Variants in NRG1 observed in about 807,000 individuals in gnomAD.
NRG1 encodes neuregulin 1.
A neutral mutation model predicts 63.8 loss-of-function variants in NRG1; 18 were observed. The ratio of observed to expected loss-of-function variants is 0.28; its 90% CI spans 0.19 to 0.42. The LOEUF (loss-of-function observed/expected upper bound fraction) is 0.42. Ranked by LOEUF, NRG1 falls within the 10% of genes least tolerant of loss-of-function variation. The pLI is 1.00. For synonymous variants in NRG1, 302 were observed against 301.3 expected (o/e 1.00, Z -0.02); for missense variants, 762 against 814.7 (o/e 0.94, Z 0.79).
At chr8:31,788,246 T>C in intron 1 of NRG1, among the ~76,000 whole-genome samples, 1 of 152,174 alleles carries the variant, frequency 6.6e-6, no homozygotes, top group East Asian at 1.9e-4. Context: ...TGTTAACATT[T>C]TGAGGTACAC....
rs1815975394 is a variant in NRG1, at chr8:32,018,764, T to C, written c.37+379333T>C. On this transcript the variant is annotated intron_variant, in intron 1 of 10. Transcript: ENST00000519301. ...GTCTTTTGGTGGGCATGCATACTGA[T>C]AGAAGTGGAATTGCTATAGGTAGAT... 3.9e-5 allele frequency among the ~76,000 whole-genome samples: 6 copies of C among 152,214 alleles called. No individual in the cohort carries two copies. The South Asian group carries it at 1.2e-3, about 32-fold the overall frequency.
intron 1 of NRG1, among the ~76,000 whole-genome samples, chr8:31,951,970 A>G (rs1803538771): frequency 6.6e-6 from 1 of 152,162 alleles, no homozygotes; most frequent in Admixed American, 6.5e-5. Flanking sequence ...CTTTTGATTG[A>G]ATCAGGATCT....
downstream of NRG1, among the ~76,000 whole-genome samples, chr8:32,771,276 A>ATTT (rs553989637): frequency 4.3e-5 from 4 of 92,762 alleles, no homozygotes; most frequent in South Asian, 3.8e-4. Context: ...ATGCCCAGCG[A>ATTT]TTTTTTTTTT....
At chr8:31,817,007 T>C (rs1395922590) in intron 1 of NRG1, among the ~76,000 whole-genome samples, 5 of 152,218 alleles carry the variant, frequency 3.3e-5, no homozygotes, top group Admixed American at 6.5e-5. Context: ...AAAATTGAAA[T>C]GTCCCTCATT....
chr8:32,558,576 G>T (rs1379931431), intron 1 of NRG1, among the ~76,000 whole-genome samples: 2 of 152,176 alleles, frequency 1.3e-5, no homozygotes, highest in African/African-American at 4.8e-5. Context: ...GTTTGGGAGA[G>T]CCGCAAAGTG....
At chr8:32,501,264 G>T (rs965343137) in intron 1 of NRG1, among the ~76,000 whole-genome samples, 1 of 152,172 alleles carries the variant, frequency 6.6e-6, no homozygotes, top group Non-Finnish European at 1.5e-5. Context: ...ATAATAATGT[G>T]ATACCAAGAC....
chr8:32,586,918 G>GC (rs1563712027), intron 1 of NRG1, among the ~76,000 whole-genome samples: 1 of 152,150 alleles, frequency 6.6e-6, no homozygotes, highest in Non-Finnish European at 1.5e-5. Flanking sequence ...TGACTTGAGG[G>GC]CATAGGAGGT....
intron 1 of NRG1, among the ~76,000 whole-genome samples, chr8:32,166,578 G>A (rs947098664): frequency 6.6e-6 from 1 of 152,170 alleles, no homozygotes; most frequent in African/African-American, 2.4e-5. Flanking sequence ...TTTGTGACAA[G>A]TTGTATTTTT....
At chr8:32,492,423 CTTTT>C in intron 1 of NRG1, among the ~76,000 whole-genome samples, 1 of 146,894 alleles carries the variant, frequency 6.8e-6, no homozygotes, top group Middle Eastern at 3.6e-3. Flanking sequence ...TCCCTTTCAT[CTTTT>C]TTTTTTTTCT....
intron 1 of NRG1, among the ~76,000 whole-genome samples, chr8:31,651,004 C>A (rs527871368): frequency 1.6e-3 from 243 of 152,318 alleles, no homozygotes; most frequent in African/African-American, 5.7e-3. Flanking sequence ...ATGACCCAAA[C>A]ATAGAAATCT....
chr8:32,102,741 G>A (rs1245466954), intron 1 of NRG1, among the ~76,000 whole-genome samples: 12 of 152,216 alleles, frequency 7.9e-5, no homozygotes, highest in East Asian at 7.7e-4. Flanking sequence ...CCCTGCCATC[G>A]AATCCAGCTG....
intron 1 of NRG1, among the ~76,000 whole-genome samples, chr8:31,942,333 C>T (rs903496464): frequency 1.3e-5 from 2 of 152,032 alleles, no homozygotes; most frequent in African/African-American, 2.4e-5. Flanking sequence ...TGGCAAGCCA[C>T]ATGTAGAGGA....
intron 1 of NRG1, among the ~76,000 whole-genome samples, chr8:32,091,971 A>T (rs1829224667): frequency 6.6e-6 from 1 of 152,116 alleles, no homozygotes; most frequent in African/African-American, 2.4e-5. Context: ...TTGAAGCTTC[A>T]TGCCTGCCTT....
chr8:31,667,079 T>C (rs1319585705), intron 1 of NRG1, among the ~76,000 whole-genome samples: 2 of 152,358 alleles, frequency 1.3e-5, no homozygotes, highest in African/African-American at 4.8e-5. Context: ...AACCGAATAC[T>C]CTGGGAGACA....
At chr8:32,363,767 A>C (rs1454387107) in intron 1 of NRG1, among the ~76,000 whole-genome samples, 1 of 152,136 alleles carries the variant, frequency 6.6e-6, no homozygotes, top group Non-Finnish European at 1.5e-5. Context: ...AATAGTCGAA[A>C]ACTTTAGAAT....
chr8:32,694,488 G>A (rs1164978331), intron 5 of NRG1, among the ~76,000 whole-genome samples: 2 of 152,016 alleles, frequency 1.3e-5, no homozygotes, highest in African/African-American at 4.8e-5. Context: ...ACCCATCATG[G>A]TGCTCGATCA....
intron 1 of NRG1, among the ~76,000 whole-genome samples, chr8:31,776,742 T>A (rs373235087): frequency 2.0e-4 from 30 of 152,182 alleles, no homozygotes; most frequent in African/African-American, 5.5e-4. Context: ...CCTGTGTCCA[T>A]GTGCTCTCAT....
At chr8:32,511,069 C>T (rs538775988) in intron 1 of NRG1, among the ~76,000 whole-genome samples, 5 of 149,306 alleles carry the variant, frequency 3.3e-5, no homozygotes, top group African/African-American at 1.2e-4. Flanking sequence ...TCTCACCATG[C>T]TTATAGATTA....
At chr8:32,028,762 G>T (rs1352024038) in intron 1 of NRG1, among the ~76,000 whole-genome samples, 1 of 152,116 alleles carries the variant, frequency 6.6e-6, no homozygotes, top group Non-Finnish European at 1.5e-5. Flanking sequence ...ATTTTTTCAA[G>T]ATTATAAATT....
Sources: allele counts gnomAD v4.1 joint callset (sites outside exome capture counted in the v4.1 genomes callset), GRCh38; gene constraint gnomAD v4.1.1; transcripts MANE v1.5; gene names NCBI Gene and HGNC (gene_info 2026-07-23, HGNC 2026-07-21).